Variants in PDS5A observed in about 807,000 individuals in gnomAD.
PDS5A encodes the protein sister chromatid cohesion protein PDS5 homolog A.
Under a neutral mutation model 167.1 loss-of-function variants are expected in PDS5A, and 42 were observed. The ratio of observed to expected loss-of-function variants is 0.25; its 90% CI spans 0.20 to 0.33. PDS5A has a LOEUF of 0.33. Ranked by LOEUF, PDS5A falls within the 10% of genes least tolerant of loss-of-function variation. PDS5A has a pLI of 1.00. For missense variants in PDS5A, 1,033 were observed against 1,605.9 expected, an observed-to-expected ratio of 0.64 and a Z score of 6.10; for synonymous variants, 553 against 554.6, an observed-to-expected ratio of 1.00 and a Z score of 0.04.
At chr4:39,901,580 G>A (rs1722891949) in intron 13 of PDS5A, among the ~76,000 whole-genome samples, 2 of 152,044 alleles carry the variant, frequency 1.3e-5, no homozygotes, top group Non-Finnish European at 2.9e-5. Context: ...TAAAAATGCA[G>A]TCTTAATCTA....
intron 28 of PDS5A, 192 bp downstream of exon 28, chr4:39,848,659 C>T (rs958561563): frequency 1.9e-6 from 1 of 522,626 alleles, no homozygotes; most frequent in African/African-American, 2.0e-5. Flanking sequence ...ATAAGATCAA[C>T]AGTATGTGTA....
At position 39,911,860 on chromosome 4, in the gene PDS5A, CAT is replaced by C. The variant is rs1723926128; in HGVS notation, c.993-1524_993-1523del. On this transcript the variant is annotated intron_variant, in intron 9 of 32. Coordinates refer to ENST00000303538, the MANE Select transcript of PDS5A (RefSeq NM_001100399.2). Reference sequence around the variant, plus strand: ...TAAAAAAAAAAAAAAAAAAAATGCACATGTTAAGGATAAGGTAAGGAACCCTC... The same window carrying C: ...TAAAAAAAAAAAAAAAAAAAATGCACGTTAAGGATAAGGTAAGGAACCCTC... Among the ~76,000 whole-genome samples the C allele has an allele frequency of 6.9e-5, 10 of 145,266 alleles. No individual in the cohort carries two copies. In the South Asian group the frequency reaches 1.3e-3, roughly 19 times the overall value.
At chr4:39,905,476 T>C (rs1409229178) in intron 11 of PDS5A, among the ~76,000 whole-genome samples, 1 of 152,152 alleles carries the variant, frequency 6.6e-6, no homozygotes, top group Non-Finnish European at 1.5e-5. Context: ...GGAAATCACT[T>C]GAGCCTGAGA....
intron 21 of PDS5A, among the ~76,000 whole-genome samples, chr4:39,871,959 G>A (rs1720074615): frequency 6.6e-6 from 1 of 151,916 alleles, no homozygotes; most frequent in African/African-American, 2.4e-5. Flanking sequence ...ACCCACCTCG[G>A]CCCCTCAAAG....
chr4:39,907,650 A>G (rs1314228607), intron 11 of PDS5A, among the ~76,000 whole-genome samples: 3 of 150,612 alleles, frequency 2.0e-5, no homozygotes, highest in African/African-American at 7.3e-5. Flanking sequence ...GCAGTGGTGC[A>G]ATCTCGGCTC....
rs1030718114 is a variant in PDS5A, at chr4:39,876,905, A to G, written c.2153+88T>C. Reference sequence around the variant, plus strand: ...ATCAAAGTTGTCTTTCTTCCCTCCTATCTTCCTACACAGAAGGAAAACAAT... The same window carrying G: ...ATCAAAGTTGTCTTTCTTCCCTCCTGTCTTCCTACACAGAAGGAAAACAAT... On this transcript the variant is annotated intron_variant, in intron 19 of 32. Coordinates refer to ENST00000303538, the MANE Select transcript of PDS5A (RefSeq NM_001100399.2). The G allele has an allele frequency of 6.3e-6, 6 of 959,406 alleles. No individual in the cohort carries two copies. The African/African-American group carries it at 1.0e-4, about 16-fold the overall frequency. The allele number at this position is 959,406 out of a possible 1,614,324, so 59.4% of individuals were successfully genotyped here.
chr4:39,839,252 G>A (rs1716723632), intron 31 of PDS5A, among the ~76,000 whole-genome samples: 1 of 152,012 alleles, frequency 6.6e-6, no homozygotes, highest in Non-Finnish European at 1.5e-5. Flanking sequence ...AGCAGAAAGA[G>A]TTTAGATAGC....
intron 2 of PDS5A, among the ~76,000 whole-genome samples, chr4:39,956,248 T>C (rs920783642): frequency 1.3e-5 from 2 of 152,230 alleles, no homozygotes; most frequent in African/African-American, 4.8e-5. Flanking sequence ...CCCAGCACTT[T>C]TGGGAGGCTA....
chr4:39,930,274 T>TTTTTTTA (rs1725939033), intron 2 of PDS5A, among the ~76,000 whole-genome samples: 1 of 143,560 alleles, frequency 7.0e-6, no homozygotes, highest in Non-Finnish European at 1.5e-5. Flanking sequence ...TTTTTTTTTT[T>TTTTTTTA]AAGAGACAGG....
At chr4:39,901,299 A>G (rs1312183185) in intron 13 of PDS5A, among the ~76,000 whole-genome samples, 2 of 120,274 alleles carry the variant, frequency 1.7e-5, no homozygotes, top group Non-Finnish European at 3.2e-5. Context: ...GACAAGTCTC[A>G]CTCTGTTGCC....
intron 31 of PDS5A, among the ~76,000 whole-genome samples, chr4:39,839,952 G>A (rs1215511578): frequency 6.6e-6 from 1 of 151,712 alleles, no homozygotes; most frequent in Non-Finnish European, 1.5e-5. Context: ...AAATTAGCTG[G>A]GCATGGTGGT....
At position 39,977,809 on chromosome 4, in the gene PDS5A, A is replaced by G. The variant is rs1489850008; in HGVS notation, c.-393T>C. On this transcript the variant is annotated 5_prime_UTR_variant, in exon 1 of 33. Transcript: ENST00000303538. This position sits in a 1 kb window ranked among gnomAD's most constrained non-coding sequence, Gnocchi z 4.2. ...GCGCCGGCCCGGACCGCCGACTCGG[A>G]CCCGGACGCCCCTCGCAGAGGCGCG... is the stretch of plus-strand genomic sequence containing the variant. The G allele has an allele frequency of 6.7e-6, 1 of 149,216 alleles. No individual in the cohort carries two copies. The highest frequency in any genetic ancestry group is 1.5e-5 in the Non-Finnish European group (1 of 66,918). 9.2% of individuals were successfully genotyped at this position (149,216 alleles called of 1,614,324 possible). A position where few individuals can be genotyped will look rare whatever the true frequency, so the allele number is the denominator to read the frequency against.
chr4:39,872,645 T>C (rs1720147582), intron 21 of PDS5A: 1 of 157,394 alleles, frequency 6.4e-6, no homozygotes, highest in Non-Finnish European at 1.4e-5. Flanking sequence ...AGCGAGACTC[T>C]TGTCTTCAAA....
intron 2 of PDS5A, among the ~76,000 whole-genome samples, chr4:39,958,306 A>C (rs983655092): frequency 6.6e-6 from 1 of 152,010 alleles, no homozygotes; most frequent in Non-Finnish European, 1.5e-5. Context: ...CAGGAGTTCA[A>C]GGTCAGCCTG....
chr4:39,849,456 AC>A, intron 27 of PDS5A, 63 bp downstream of exon 27: 19 of 1,142,852 alleles, frequency 1.7e-5, no homozygotes, highest in South Asian at 5.2e-5. Context: ...AAAAAAAAAA[AC>A]CAAGTGGGAC....
At chr4:39,897,682 A>G (rs1722537472) in intron 16 of PDS5A, among the ~76,000 whole-genome samples, 1 of 152,098 alleles carries the variant, frequency 6.6e-6, no homozygotes. Flanking sequence ...TACAGGTGTG[A>G]GCCAATGTGC....
intron 2 of PDS5A, among the ~76,000 whole-genome samples, chr4:39,946,551 G>A (rs1297769699): frequency 3.3e-5 from 5 of 151,980 alleles, no homozygotes; most frequent in Admixed American, 2.0e-4. Context: ...CAGCTAGACT[G>A]ACCAAGAAAA....
At chr4:39,882,135 GAATA>G (rs1027874092) in intron 17 of PDS5A, among the ~76,000 whole-genome samples, 24 of 152,076 alleles carry the variant, frequency 1.6e-4, no homozygotes, top group East Asian at 9.6e-4. Context: ...GTCTCAAAAA[GAATA>G]AATAAATAAA....
intron 23 of PDS5A, among the ~76,000 whole-genome samples, chr4:39,865,616 C>T (rs1719372713): frequency 6.6e-6 from 1 of 152,230 alleles, no homozygotes; most frequent in South Asian, 2.1e-4. Context: ...ACCTCCACCT[C>T]CTGGGTTCAA....
Sources: gnomAD v4.1 joint callset for allele counts (sites outside exome capture counted in the v4.1 genomes callset) on GRCh38, gnomAD v4.1.1 for gene constraint, Gnocchi (gnomAD v3.1) non-coding constraint, MANE v1.5 for transcripts, NCBI Gene and HGNC (gene_info 2026-07-23, HGNC 2026-07-21) for gene names.